Variants in VMAC observed in about 807,000 individuals in gnomAD.
The protein encoded by VMAC is vimentin type intermediate filament associated coiled-coil protein.
In VMAC, 8 loss-of-function variants were observed where a neutral mutation model predicts 4.8. That is an observed-to-expected ratio of 1.68 (90% confidence interval 0.99 to 3.03). The LOEUF (loss-of-function observed/expected upper bound fraction) is 3.03. VMAC is among the 30% of genes most tolerant of loss of function. VMAC has a pLI of 0.00. For synonymous variants in VMAC, 96 were observed against 113.7 expected, an observed-to-expected ratio of 0.84 and a Z score of 0.99; for missense variants, 248 against 245.1, an observed-to-expected ratio of 1.01 and a Z score of -0.08.
chr19:5,910,699 CAACA>C lies in VMAC; in HGVS notation c.*1559_*1562del, dbSNP rs1246503395. On this transcript the variant is annotated 3_prime_UTR_variant, in exon 2 of 2. Transcript: ENST00000339485. ...AAAACAACAACAACAACAACAACAA[CAACA>C]ACAACAACAAACAGAGGCCCAGAGG... The C allele has an allele frequency of 6.6e-6, 1 of 151,292 alleles. No individual in the cohort carries two copies. 9.4% of individuals were successfully genotyped at this position (151,292 alleles called of 1,614,324 possible).
intron 1 of VMAC, among the ~76,000 whole-genome samples, chr19:5,907,109 C>T (rs544986820): frequency 3.5e-4 from 53 of 152,258 alleles, no homozygotes; most frequent in Admixed American, 8.5e-4. Flanking sequence ...GCTGGACGTC[C>T]GAGAGCAGGG....
In VMAC at chr19:5,904,956, C is replaced by A; in HGVS notation, c.66C>A (p.Arg22=). 1 of 1,479,306 alleles carries A rather than the reference C, an allele frequency of 6.8e-7. No individual in the cohort carries two copies. The allele number at this position is 1,479,306 out of a possible 1,614,324, so 91.6% of individuals were successfully genotyped here. A position where few individuals can be genotyped will look rare whatever the true frequency, so the allele number is the denominator to read the frequency against. ...CACACCTGGCAGCCGTGCACCGGCG[C>A]GCAGCGGAGCTGGAGGCGCGGCTGG... is the stretch of plus-strand genomic sequence containing the variant. The part of the protein sequence containing the change: ...ANAHLAAVHR[R]AAELEARLDA... The change falls in exon 1 of 2, where the codon CGC becomes CGA. Residue 22 remains arginine, a synonymous_variant. Transcript: ENST00000339485.
chr19:5,908,472 C>T lies in VMAC; in HGVS notation c.192-352C>T, dbSNP rs942929095. Among the ~76,000 whole-genome samples, 4 of 151,974 alleles carry T rather than the reference C, an allele frequency of 2.6e-5. No individual in the cohort carries two copies. Among genetic ancestry groups the T allele is most frequent in the East Asian group, 1.9e-4 (1 of 5,178 alleles). ...TCTACTGAAGATACAAAAAACTAGCCGGGCATAGTGGTGGGCACCTGTAAT... is the reference window on the plus strand; with the variant it reads ...TCTACTGAAGATACAAAAAACTAGCTGGGCATAGTGGTGGGCACCTGTAAT... On this transcript the variant is annotated intron_variant, in intron 1 of 1. Coordinates refer to ENST00000339485, the MANE Select transcript of VMAC (RefSeq NM_001017921.4). The surrounding 1 kb of genome is among the most constrained non-coding windows in gnomAD (Gnocchi z 4.5).
Position 5,908,718 on chromosome 19 carries a change from G to A in VMAC, c.192-106G>A. 8 of 1,130,280 alleles carry A rather than the reference G, an allele frequency of 7.1e-6. No homozygotes were observed. The South Asian group carries it at 9.8e-5, about 14-fold the overall frequency. 70.0% of individuals were successfully genotyped at this position (1,130,280 alleles called of 1,614,324 possible). A position where few individuals can be genotyped will look rare whatever the true frequency, so the allele number is the denominator to read the frequency against. ...CCCTGAGGCAGTGGTGAGGAATGCGGGCTTTATCCCAAAGGTGATGGGGAA... is the reference window on the plus strand; with the variant it reads ...CCCTGAGGCAGTGGTGAGGAATGCGAGCTTTATCCCAAAGGTGATGGGGAA... On this transcript the variant is annotated intron_variant, in intron 1 of 1. Coordinates refer to ENST00000339485, the MANE Select transcript of VMAC (RefSeq NM_001017921.4). The surrounding 1 kb of genome is among the most constrained non-coding windows in gnomAD (Gnocchi z 4.5).
Position 5,904,980 on chromosome 19 carries a change from GGA to G in VMAC, c.91_92del (p.Asp31ArgfsTer34). 1 of 1,466,382 alleles carries G rather than the reference GGA, an allele frequency of 6.8e-7. No individual in the cohort carries two copies. The highest frequency in any genetic ancestry group is 8.9e-7 in the Non-Finnish European group (1 of 1,119,148). 90.8% of individuals were successfully genotyped at this position (1,466,382 alleles called of 1,614,324 possible). A position where few individuals can be genotyped will look rare whatever the true frequency, so the allele number is the denominator to read the frequency against. ...GCGCAGCGGAGCTGGAGGCGCGGCT[GGA>G]CGCGGCGGAGCGCACGGTGCACGCC... is the stretch of plus-strand genomic sequence containing the variant. ...RRAAELEARL[D>X]AAERTVHAQA... On this transcript the variant is annotated frameshift_variant, in exon 1 of 2. Transcript: ENST00000339485. LOFTEE classifies it high-confidence loss of function.
rs1190159575 is a variant in VMAC at position 5,909,552 on chromosome 19, TAACTGC to T, written c.*414_*419del. On this transcript the variant is annotated 3_prime_UTR_variant, in exon 2 of 2. Coordinates refer to ENST00000339485, the MANE Select transcript of VMAC (RefSeq NM_001017921.4). ...TGGGGTGCAGTGGTGCGATTTTGGC[TAACTGC>T]AACCTCCGCCTCCCAGGTTCAAGCG... 2 of 172,118 alleles carry T rather than the reference TAACTGC, an allele frequency of 1.2e-5. No homozygotes were observed. Among genetic ancestry groups the T allele is most frequent in the Non-Finnish European group, 2.4e-5 (2 of 81,766 alleles). The allele number at this position is 172,118 out of a possible 1,614,324, so 10.7% of individuals were successfully genotyped here.
chr19:5,907,883 T>G (rs946845177), intron 1 of VMAC, among the ~76,000 whole-genome samples: 16 of 152,246 alleles, frequency 1.1e-4, no homozygotes, highest in African/African-American at 2.9e-4. Context: ...CCTTCCATCA[T>G]GATTGTAAGT....
At position 5,904,896 on chromosome 19, in the gene VMAC, G is replaced by C. The variant is rs758051108; in HGVS notation, c.6G>C (p.Ser2=). The C allele has an allele frequency of 1.4e-5, 21 of 1,478,480 alleles. No individual in the cohort carries two copies. The highest frequency in any genetic ancestry group is 2.7e-6 in the Non-Finnish European group (3 of 1,124,716). The allele number at this position is 1,478,480 out of a possible 1,614,324, so 91.6% of individuals were successfully genotyped here. The change falls in exon 1 of 2, where the codon TCG becomes TCC. Residue 2 remains serine (S), a synonymous_variant. Transcript: ENST00000339485. M[S]APPALQIREA... is the part of the protein sequence containing the mutation. ...CCTGTACAGCAGCCTGGGCCATGTC[G>C]GCGCCGCCGGCCCTGCAGATCCGGG...
At chr19:5,905,364 T>C (rs2057674810) in intron 1 of VMAC, among the ~76,000 whole-genome samples, 2 of 152,324 alleles carry the variant, frequency 1.3e-5, no homozygotes, top group Middle Eastern at 6.8e-3. Context: ...TTGGGAGCCA[T>C]AGCAGGCTCT....
rs2057691896 is a variant in VMAC, at chr19:5,909,855, C to G, written c.*713C>G. On this transcript the variant is annotated 3_prime_UTR_variant, in exon 2 of 2. Coordinates refer to ENST00000339485, the MANE Select transcript of VMAC (RefSeq NM_001017921.4). ...ACGCCCTAAAGAATATATTTTTGAA[C>G]TCCTTGTTTCTGCGCTGTCCTTCTT... is the stretch of plus-strand genomic sequence containing the variant. The G allele has an allele frequency of 6.6e-6, 1 of 152,216 alleles. No homozygotes were observed. The highest frequency in any genetic ancestry group is 2.4e-5 in the African/African-American group (1 of 41,454). 9.4% of individuals were successfully genotyped at this position (152,216 alleles called of 1,614,324 possible).
At position 5,909,016 on chromosome 19, in the gene VMAC, G is replaced by GC; in HGVS notation, c.388dup (p.Leu130ProfsTer5). On this transcript the variant is annotated frameshift_variant, in exon 2 of 2. Coordinates refer to ENST00000339485, the MANE Select transcript of VMAC (RefSeq NM_001017921.4). LOFTEE classifies it low-confidence loss of function (END_TRUNC). ...CCCTGGCTGAGGCTGAGCGCCTGGGGCCCCTGCCGGCCAGTGACCCCGGCC... is the reference window on the plus strand; with the variant it reads ...CCCTGGCTGAGGCTGAGCGCCTGGGGCCCCCTGCCGGCCAGTGACCCCGGCC... 6.3e-7 allele frequency: 1 copy of GC among 1,588,710 alleles called. No homozygotes were observed. Among genetic ancestry groups the GC allele is most frequent in the Non-Finnish European group, 8.6e-7 (1 of 1,168,474 alleles).
chr19:5,909,146 C>T lies in VMAC; in HGVS notation c.*4C>T, dbSNP rs200243076. 1,066 of 1,532,862 alleles carry T rather than the reference C, an allele frequency of 7.0e-4. No individual in the cohort carries two copies. Among genetic ancestry groups the T allele is most frequent in the African/African-American group, 2.3e-3 (166 of 72,682 alleles). The allele number at this position is 1,532,862 out of a possible 1,614,324, so 95.0% of individuals were successfully genotyped here. A position where few individuals can be genotyped will look rare whatever the true frequency, so the allele number is the denominator to read the frequency against. Reference sequence around the variant, plus strand: ...AGTGTTTGGGACCACAGTGTGAGCCCGGAATGCAGATTACAGAATGGAGAC... The same window carrying T: ...AGTGTTTGGGACCACAGTGTGAGCCTGGAATGCAGATTACAGAATGGAGAC... On this transcript the variant is annotated 3_prime_UTR_variant, in exon 2 of 2. Transcript: ENST00000339485.
rs923144037 is a variant in VMAC, at chr19:5,909,907, T to C, written c.*765T>C. ...GCCCAGGACATTCAGGGTGCTTTGC[T>C]TGTTGTCAAACCAGGGAAAGGAGAA... On this transcript the variant is annotated 3_prime_UTR_variant, in exon 2 of 2. Coordinates refer to ENST00000339485, the MANE Select transcript of VMAC (RefSeq NM_001017921.4). 6.6e-6 allele frequency: 1 copy of C among 152,230 alleles called. No homozygotes were observed. Among genetic ancestry groups the C allele is most frequent in the Non-Finnish European group, 1.5e-5 (1 of 68,050 alleles). 9.4% of individuals were successfully genotyped at this position (152,230 alleles called of 1,614,324 possible).
In VMAC at chr19:5,910,556, G is replaced by A. The variant is rs2057694141; in HGVS notation, c.*1414G>A. ...TACTAAAAATACTAAAATTAGCCGGGCTTGGTGGCGGGTGCCTGTAATCCC... is the reference window on the plus strand; with the variant it reads ...TACTAAAAATACTAAAATTAGCCGGACTTGGTGGCGGGTGCCTGTAATCCC... On this transcript the variant is annotated 3_prime_UTR_variant, in exon 2 of 2. Transcript: ENST00000339485. The A allele has an allele frequency of 6.6e-6, 1 of 152,048 alleles. No individual in the cohort carries two copies. Among genetic ancestry groups the A allele is most frequent in the South Asian group, 2.1e-4 (1 of 4,838 alleles). The allele number at this position is 152,048 out of a possible 1,614,324, so 9.4% of individuals were successfully genotyped here.
intron 1 of VMAC, among the ~76,000 whole-genome samples, chr19:5,905,752 C>A (rs375605480): frequency 6.6e-5 from 10 of 152,060 alleles, no homozygotes; most frequent in South Asian, 2.1e-4. Context: ...CAGGGCCTCA[C>A]TCCTATGCCC....
intron 1 of VMAC, among the ~76,000 whole-genome samples, chr19:5,907,646 C>A (rs1006963523): frequency 6.8e-5 from 4 of 58,974 alleles, no homozygotes. Flanking sequence ...ATTAGCTGGG[C>A]ATGGTGGCAC....
rs1199283088 is a variant in VMAC at position 5,904,954 on chromosome 19, C to T, written c.64C>T (p.Arg22Cys). ...ANAHLAAVHR[R>C]AAELEARLDA... ...CGCACACCTGGCAGCCGTGCACCGG[C>T]GCGCAGCGGAGCTGGAGGCGCGGCT... Residue 22 changes from arginine (R) to cysteine (C), a missense_variant, in exon 1 of 2, where the codon CGC (arginine) becomes TGC (cysteine). Transcript: ENST00000339485. 4.1e-6 allele frequency: 6 copies of T among 1,480,204 alleles called. No individual in the cohort carries two copies. Among genetic ancestry groups the T allele is most frequent in the Non-Finnish European group, 3.6e-6 (4 of 1,125,748 alleles). The allele number at this position is 1,480,204 out of a possible 1,614,324, so 91.7% of individuals were successfully genotyped here. A position where few individuals can be genotyped will look rare whatever the true frequency, so the allele number is the denominator to read the frequency against.
chr19:5,904,930 G>A lies in VMAC; in HGVS notation c.40G>A (p.Ala14Thr). 6.7e-7 allele frequency: 1 copy of A among 1,490,622 alleles called. No individual in the cohort carries two copies. Among genetic ancestry groups the A allele is most frequent in the East Asian group, 2.9e-5 (1 of 34,842 alleles). The allele number at this position is 1,490,622 out of a possible 1,614,324, so 92.3% of individuals were successfully genotyped here. The change falls in exon 1 of 2, where the codon GCA becomes ACA. Residue 14 changes from alanine to threonine, a missense_variant. Physicochemically the swap from Ala to Thr is moderately conservative, Grantham distance 58 (BLOSUM62 0). Coordinates refer to ENST00000339485, the MANE Select transcript of VMAC (RefSeq NM_001017921.4). ...GGCCCTGCAGATCCGGGAGGCAAACGCACACCTGGCAGCCGTGCACCGGCG... is the reference window on the plus strand; with the variant it reads ...GGCCCTGCAGATCCGGGAGGCAAACACACACCTGGCAGCCGTGCACCGGCG... ...PPALQIREANAHLAAVHRRAA... is the reference protein window; with the variant it reads ...PPALQIREANTHLAAVHRRAA...
chr19:5,909,481 T>C lies in VMAC; in HGVS notation c.*339T>C, dbSNP rs957151521. 6.0e-5 allele frequency: 11 copies of C among 183,770 alleles called. No homozygotes were observed. Among genetic ancestry groups the C allele is most frequent in the Admixed American group, 1.2e-4 (1 of 8,292 alleles). 11.4% of individuals were successfully genotyped at this position (183,770 alleles called of 1,614,324 possible). ...TTAGCCAGGGTGTGAGTTTCTGTTTTTTGTTTTTTTTTTTTTAAGACAGAG... is the reference window on the plus strand; with the variant it reads ...TTAGCCAGGGTGTGAGTTTCTGTTTCTTGTTTTTTTTTTTTTAAGACAGAG... On this transcript the variant is annotated 3_prime_UTR_variant, in exon 2 of 2. Coordinates refer to ENST00000339485, the MANE Select transcript of VMAC (RefSeq NM_001017921.4).
Sources: allele counts gnomAD v4.1 joint callset (sites outside exome capture counted in the v4.1 genomes callset), GRCh38; gene constraint gnomAD v4.1.1; non-coding constraint Gnocchi (gnomAD v3.1); transcripts MANE v1.5; gene names NCBI Gene and HGNC (gene_info 2026-07-23, HGNC 2026-07-21).